SCFD2: variants seen among roughly 807,000 people sequenced by gnomAD.
SCFD2 encodes sec1 family domain-containing protein 2.
In SCFD2, 54 loss-of-function variants were observed where a neutral mutation model predicts 58.9. That is an observed-to-expected ratio of 0.92 (90% CI 0.74 to 1.15). The LOEUF is 1.15. Among genes scored for constraint, SCFD2 ranks in the 50% most tolerant of loss-of-function variants. The pLI, the probability that SCFD2 is intolerant of heterozygous loss-of-function variation, is 0.00. For synonymous variants in SCFD2, 321 were observed against 335.9 expected (o/e 0.96, Z 0.49); for missense variants, 805 against 836.6 (o/e 0.96, Z 0.47).
chr4:53,200,798 AG>A (rs1728206410), intron 4 of SCFD2, among the ~76,000 whole-genome samples: 3 of 152,258 alleles, frequency 2.0e-5, no homozygotes, highest in African/African-American at 4.8e-5. Flanking sequence ...AGCTTCTAGA[AG>A]ACTCAACCTC....
chr4:53,089,865 A>G (rs1724421262), intron 5 of SCFD2, among the ~76,000 whole-genome samples: 1 of 152,186 alleles, frequency 6.6e-6, no homozygotes, highest in African/African-American at 2.4e-5. Flanking sequence ...GCTTGCCATC[A>G]TTTCTTAAGA....
chr4:53,219,768 C>A (rs6834522), intron 4 of SCFD2, among the ~76,000 whole-genome samples: 106,483 of 152,012 alleles, frequency 0.7, 37,604 homozygotes, highest in Middle Eastern at 0.78. Flanking sequence ...CTATTCGGCC[C>A]TCTTGGAACC....
Position 53,333,622 on chromosome 4 carries a change from C to T in SCFD2, c.1007+18976G>A, listed in dbSNP as rs370568692. Among the ~76,000 whole-genome samples, 1,246 of 148,352 alleles carry T rather than the reference C, an allele frequency of 8.4e-3. 6 individuals carry two copies. The highest frequency in any genetic ancestry group is 0.027 in the African/African-American group (1,087 of 40,170). The stretch of plus-strand genomic sequence containing the variant: ...ATTCAAGATGGATTAAAGACTTAAA[C>T]GTTAGACCTAAAACCATAAAAACCC... On this transcript the variant is annotated intron_variant, in intron 2 of 8. Coordinates refer to ENST00000401642, the MANE Select transcript of SCFD2 (RefSeq NM_152540.4).
chr4:53,027,257 C>CT (rs112313567), intron 5 of SCFD2, among the ~76,000 whole-genome samples: 4,528 of 145,462 alleles, frequency 0.031, 84 homozygotes, highest in African/African-American at 0.057. Flanking sequence ...CCACACACTT[C>CT]TTTTTTTTTT....
At chr4:53,312,509 G>A (rs188890039) in intron 3 of SCFD2, among the ~76,000 whole-genome samples, 1 of 151,844 alleles carries the variant, frequency 6.6e-6, no homozygotes, top group African/African-American at 2.4e-5. Flanking sequence ...CTAGCATACT[G>A]TAAGTTCTCA....
chr4:53,151,465 A>G (rs1726503411), intron 4 of SCFD2, among the ~76,000 whole-genome samples: 2 of 152,162 alleles, frequency 1.3e-5, no homozygotes, highest in Admixed American at 6.5e-5. Context: ...TCTGTAAAAT[A>G]TGTGTTTTTT....
At chr4:53,199,196 G>A (rs1728150697) in intron 4 of SCFD2, among the ~76,000 whole-genome samples, 1 of 152,010 alleles carries the variant, frequency 6.6e-6, no homozygotes, top group Non-Finnish European at 1.5e-5. Flanking sequence ...CATTTGTGAT[G>A]GAAAAGAAGG....
chr4:52,981,410 A>C (rs1721372338), intron 5 of SCFD2, among the ~76,000 whole-genome samples: 2 of 152,296 alleles, frequency 1.3e-5, no homozygotes, highest in South Asian at 4.1e-4. Context: ...GTTAACATGT[A>C]TGTCTCAGTT....
Position 53,145,387 on chromosome 4 carries a change from C to G in SCFD2, c.1507G>C (p.Ala503Pro), listed in dbSNP as rs146270249. The G allele has an allele frequency of 6.2e-6, 10 of 1,614,128 alleles. No individual in the cohort carries two copies. Among genetic ancestry groups the G allele is most frequent in the Non-Finnish European group, 6.8e-6 (8 of 1,180,008 alleles). ...EAEEKVKKAL[A>P]QVFCEESGLS... ...CCAGATTCCTCACAGAAGACCTGAG[C>G]CAATGCTTTCTTGACTTTTTCTTCT... The change falls in exon 5 of 9, where the codon GCT (alanine) becomes CCT (proline). Residue 503 changes from alanine (A) to proline (P), a missense_variant. By Grantham distance (27) the Ala-to-Pro change is conservative. Transcript: ENST00000401642.
At chr4:52,890,633 C>A (rs1490882034) in intron 7 of SCFD2, among the ~76,000 whole-genome samples, 2 of 152,196 alleles carry the variant, frequency 1.3e-5, no homozygotes, top group African/African-American at 4.8e-5. Flanking sequence ...ATTGCAAATG[C>A]ACAGATTAAT....
At chr4:53,116,488 C>A (rs1463165816) in intron 5 of SCFD2, among the ~76,000 whole-genome samples, 1 of 152,246 alleles carries the variant, frequency 6.6e-6, no homozygotes, top group East Asian at 1.9e-4. Context: ...AATCACATTG[C>A]CAAACCTAAC....
chr4:53,351,951 A>G (rs1214393198), intron 2 of SCFD2, among the ~76,000 whole-genome samples: 1 of 152,176 alleles, frequency 6.6e-6, no homozygotes, highest in Admixed American at 6.5e-5. Context: ...ACACTTACAT[A>G]CTTTTTTCCC....
intron 5 of SCFD2, among the ~76,000 whole-genome samples, chr4:52,979,068 G>GGC (rs1283200996): frequency 2.7e-5 from 4 of 150,266 alleles, no homozygotes; most frequent in African/African-American, 2.4e-5. Context: ...CTTTTTTTGG[G>GGC]GGGGGGAGTA....
chr4:53,249,069 C>A (rs891555803), intron 4 of SCFD2, among the ~76,000 whole-genome samples: 3 of 151,968 alleles, frequency 2.0e-5, no homozygotes, highest in African/African-American at 7.3e-5. Context: ...AAAATTTAGA[C>A]GATTGTATTA....
In SCFD2 at chr4:53,138,960, C is replaced by A. The variant is rs1366639255; in HGVS notation, c.1561+6373G>T. ...GTACTGCCGCCATCTCGGCTCACTG[C>A]AACCTCCCTGCCTGATTCTCCTGCC... On this transcript the variant is annotated intron_variant, in intron 5 of 8. Transcript: ENST00000401642. 3.3e-5 allele frequency among the ~76,000 whole-genome samples: 5 copies of A among 151,802 alleles called. No homozygotes were observed. The East Asian group carries it at 9.8e-4, about 30-fold the overall frequency.
At chr4:53,005,316 T>C (rs369621436) in intron 5 of SCFD2, among the ~76,000 whole-genome samples, 3 of 152,056 alleles carry the variant, frequency 2.0e-5, no homozygotes, top group African/African-American at 4.8e-5. Context: ...GCAAGGAGAG[T>C]AAACAGCAGT....
intron 5 of SCFD2, among the ~76,000 whole-genome samples, chr4:53,060,938 C>T (rs1723492425): frequency 6.6e-6 from 1 of 152,058 alleles, no homozygotes; most frequent in African/African-American, 2.4e-5. Context: ...GGTCGTAACA[C>T]CTACAGTGAA....
chr4:53,076,065 GT>G (rs1723964741), intron 5 of SCFD2, among the ~76,000 whole-genome samples: 1 of 152,074 alleles, frequency 6.6e-6, no homozygotes, highest in Non-Finnish European at 1.5e-5. Flanking sequence ...CAAAAAAGTA[GT>G]TTTATAGCAA....
chr4:53,336,500 C>CT (rs929939506), intron 2 of SCFD2, among the ~76,000 whole-genome samples: 1 of 151,802 alleles, frequency 6.6e-6, no homozygotes, highest in Non-Finnish European at 1.5e-5. Flanking sequence ...TTCTTTTTTC[C>CT]TTTTTTTCTT....
Sources: allele counts gnomAD v4.1 joint callset (sites outside exome capture counted in the v4.1 genomes callset), GRCh38; gene constraint gnomAD v4.1.1; transcripts MANE v1.5; gene names NCBI Gene and HGNC (gene_info 2026-07-23, HGNC 2026-07-21).